Variants in ULK4 observed in about 807,000 individuals in gnomAD.
ULK4 encodes unc-51 like kinase 4.
ULK4 carries 133 observed loss-of-function variants against 160.6 expected under a neutral mutation model. The observed-to-expected ratio is 0.83, with a 90% CI of 0.72 to 0.96. The LOEUF (loss-of-function observed/expected upper bound fraction) is 0.96. ULK4 is among the 40% of genes least tolerant of loss of function. The probability of loss-of-function intolerance (pLI) is 0.00; values close to 1 mark genes in which losing one functional copy is unlikely to be tolerated. For missense variants in ULK4, 1,580 were observed against 1,499.5 expected (o/e 1.05, Z -0.89); for synonymous variants, 534 against 539.8 (o/e 0.99, Z 0.15).
chr3:41,836,790 G>A (rs757281693), intron 17 of ULK4, among the ~76,000 whole-genome samples: 8 of 152,164 alleles, frequency 5.3e-5, no homozygotes, highest in Non-Finnish European at 1.0e-4. Flanking sequence ...TGTTTTATCA[G>A]ATCTAGTTAA....
At chr3:41,653,373 C>T (rs1048909778) in intron 30 of ULK4, among the ~76,000 whole-genome samples, 2 of 152,180 alleles carry the variant, frequency 1.3e-5, no homozygotes, top group Admixed American at 1.3e-4. Flanking sequence ...TTTTCCTCTG[C>T]CCCCTGACTG....
At chr3:41,827,396 A>G (rs954901094) in intron 18 of ULK4, among the ~76,000 whole-genome samples, 3 of 152,092 alleles carry the variant, frequency 2.0e-5, no homozygotes, top group Non-Finnish European at 4.4e-5. Flanking sequence ...AAGATCAACA[A>G]AATTGATAGA....
chr3:41,544,171 C>T (rs1795340), intron 32 of ULK4, among the ~76,000 whole-genome samples: 77,694 of 151,954 alleles, frequency 0.51, 19,972 homozygotes, highest in Middle Eastern at 0.57. Flanking sequence ...CAGACCCTCC[C>T]ACTGAGGATA....
At chr3:41,351,346 A>G (rs2080905966) in intron 35 of ULK4, among the ~76,000 whole-genome samples, 1 of 152,198 alleles carries the variant, frequency 6.6e-6, no homozygotes, top group Admixed American at 6.5e-5. Context: ...CCTTATTCAC[A>G]AAAAGTTAAA....
rs548108067 is a variant in ULK4 at position 41,727,083 on chromosome 3, T to A, written c.2322-9222A>T. 2.0e-5 allele frequency among the ~76,000 whole-genome samples: 3 copies of A among 152,298 alleles called. 1 individual carries two copies. The South Asian group carries it at 6.2e-4, about 32-fold the overall frequency. On this transcript the variant is annotated intron_variant, in intron 22 of 36. Transcript: ENST00000301831. ...TCTGACCACAATTTTCTTACTCTCA[T>A]CACCACAGGAATCCTATGCGCATTG... is the stretch of plus-strand genomic sequence containing the variant.
At chr3:41,521,891 T>C (rs2085942478) in intron 32 of ULK4, among the ~76,000 whole-genome samples, 1 of 152,196 alleles carries the variant, frequency 6.6e-6, no homozygotes. Flanking sequence ...CTTGCCATGT[T>C]ACTTTCTTTC....
At chr3:41,782,565 A>C (rs1458783151) in intron 21 of ULK4, among the ~76,000 whole-genome samples, 1 of 152,248 alleles carries the variant, frequency 6.6e-6, no homozygotes, top group Admixed American at 6.5e-5. Flanking sequence ...CAAAAGATAT[A>C]GAGACTGTAA....
chr3:41,651,629 G>C (rs1477748489), intron 30 of ULK4, among the ~76,000 whole-genome samples: 1 of 152,148 alleles, frequency 6.6e-6, no homozygotes, highest in Non-Finnish European at 1.5e-5. Context: ...GAAGTTCCAT[G>C]ATTCTATGAT....
intron 32 of ULK4, among the ~76,000 whole-genome samples, chr3:41,538,306 T>C (rs911223574): frequency 6.6e-6 from 1 of 152,148 alleles, no homozygotes; most frequent in Admixed American, 6.5e-5. Flanking sequence ...AAAAAGTTTT[T>C]ATGCCTACTG....
chr3:41,305,319 G>A (rs2079885639), intron 35 of ULK4, among the ~76,000 whole-genome samples: 1 of 152,082 alleles, frequency 6.6e-6, no homozygotes, highest in Non-Finnish European at 1.5e-5. Flanking sequence ...TCGGCTCACT[G>A]CAACCTCCCT....
At chr3:41,626,367 A>G (rs563254773) in intron 30 of ULK4, among the ~76,000 whole-genome samples, 1 of 152,298 alleles carries the variant, frequency 6.6e-6, no homozygotes, top group South Asian at 2.1e-4. Flanking sequence ...TAAACTATGT[A>G]TTTAAATTAG....
At chr3:41,594,853 G>A (rs1162755038) in intron 31 of ULK4, among the ~76,000 whole-genome samples, 2 of 152,100 alleles carry the variant, frequency 1.3e-5, no homozygotes, top group East Asian at 2.0e-4. Flanking sequence ...GAAACAGGAT[G>A]GTGGCTTGGA....
At chr3:41,888,758 T>C (rs1212615017) in intron 16 of ULK4, among the ~76,000 whole-genome samples, 1 of 90,604 alleles carries the variant, frequency 1.1e-5, no homozygotes, top group Non-Finnish European at 2.6e-5. Flanking sequence ...GTCCTCCAGA[T>C]ACTGAAACAG....
At chr3:41,871,986 C>G (rs73081363) in intron 17 of ULK4, among the ~76,000 whole-genome samples, 4 of 152,134 alleles carry the variant, frequency 2.6e-5, no homozygotes, top group African/African-American at 9.7e-5. Context: ...CCTTATTTTC[C>G]TCTACAGAGT....
intron 19 of ULK4, 70 bp from the exon 20 acceptor site, chr3:41,800,363 G>A (rs2040423087): frequency 6.8e-7 from 1 of 1,465,698 alleles, no homozygotes; most frequent in East Asian, 2.3e-5. Flanking sequence ...TATGACCATT[G>A]TAAATAATGT....
intron 18 of ULK4, among the ~76,000 whole-genome samples, chr3:41,832,304 T>C (rs1401485247): frequency 2.6e-5 from 4 of 152,266 alleles, no homozygotes; most frequent in Non-Finnish European, 5.9e-5. Context: ...ATAATGAGCT[T>C]TTTTTCATAT....
intron 32 of ULK4, among the ~76,000 whole-genome samples, chr3:41,561,439 G>A (rs987102635): frequency 6.6e-6 from 1 of 152,164 alleles, no homozygotes. Context: ...TGAAGGAATG[G>A]TAACAGCTCC....
At chr3:41,732,364 C>G (rs2125866708) in intron 22 of ULK4, among the ~76,000 whole-genome samples, 1 of 152,158 alleles carries the variant, frequency 6.6e-6, no homozygotes, top group South Asian at 2.1e-4. Flanking sequence ...TAAAAATGCT[C>G]AACAACATCA....
intron 2 of ULK4, among the ~76,000 whole-genome samples, chr3:41,953,319 T>TTTTTA (rs1491124988): frequency 7.2e-6 from 1 of 138,178 alleles, no homozygotes; most frequent in African/African-American, 2.8e-5. Flanking sequence ...TTTTTTTTTT[T>TTTTTA]GAGATGGAGT....
Sources: gnomAD v4.1 joint callset for allele counts (sites outside exome capture counted in the v4.1 genomes callset) on GRCh38, gnomAD v4.1.1 for gene constraint, MANE v1.5 for transcripts, NCBI Gene and HGNC (gene_info 2026-07-23, HGNC 2026-07-21) for gene names.